Variants in TFR2 observed in about 807,000 individuals in gnomAD.
TFR2 encodes the protein transferrin receptor 2.
A neutral mutation model predicts 91.9 loss-of-function variants in TFR2; 64 were observed. The ratio of observed to expected loss-of-function variants is 0.70; its 90% CI spans 0.57 to 0.86. The LOEUF is 0.86. TFR2 is among the 40% of genes least tolerant of loss of function. The probability of loss-of-function intolerance (pLI) is 0.00; values close to 1 mark genes in which losing one functional copy is unlikely to be tolerated. For missense variants in TFR2, 950 were observed against 1,080.5 expected (o/e 0.88, Z 1.69); for synonymous variants, 454 against 459.6 (o/e 0.99, Z 0.15).
chr7:100,626,999 C>A, intron 16 of TFR2, 96 bp from the exon 17 acceptor site: 1 of 1,399,940 alleles, frequency 7.1e-7, no homozygotes, highest in South Asian at 1.4e-5. Context: ...GGGAAGGGGG[C>A]TGGGACCCCT....
chr7:100,620,802 C>A lies in TFR2; in HGVS notation c.*55G>T, dbSNP rs986107376. On this transcript the variant is annotated 3_prime_UTR_variant, in exon 18 of 18. Transcript: ENST00000223051. ...CCTCCCTGACCCTGAATCATTCAAG[C>A]GAGGAGCAGAGGAGCTCTTGACTGG... 1 of 1,609,436 alleles carries A rather than the reference C, an allele frequency of 6.2e-7. No homozygotes were observed. Among genetic ancestry groups the A allele is most frequent in the Admixed American group, 1.7e-5 (1 of 59,896 alleles).
In TFR2 at chr7:100,630,963, A is replaced by G. The variant is rs1803413928; in HGVS notation, c.1196T>C (p.Leu399Pro). 6 of 1,612,902 alleles carry G rather than the reference A, an allele frequency of 3.7e-6. No individual in the cohort carries two copies. The highest frequency in any genetic ancestry group is 4.2e-6 in the Non-Finnish European group (5 of 1,179,840). Residue 399 changes from leucine (L) to proline (P), a missense_variant, in exon 9 of 18, where the codon CTA (leucine) becomes CCA (proline). Coordinates refer to ENST00000223051, the MANE Select transcript of TFR2 (RefSeq NM_003227.4). Reference protein sequence around the residue: ...YHLGPGPRLRLVVNNHRTSTP... With the variant: ...YHLGPGPRLRPVVNNHRTSTP... Reference sequence around the variant, plus strand: ...GGAGGTCCTGTGATTGTTGACCACTAGCCGCAGTCGTGGCCCGGGGCCCAG... The same window carrying G: ...GGAGGTCCTGTGATTGTTGACCACTGGCCGCAGTCGTGGCCCGGGGCCCAG...
chr7:100,630,007 G>T (rs923224791), intron 9 of TFR2, among the ~76,000 whole-genome samples: 1 of 152,168 alleles, frequency 6.6e-6, no homozygotes, highest in African/African-American at 2.4e-5. Flanking sequence ...GCCTTCCAAA[G>T]TGCTGGGATT....
At chr7:100,637,181 C>G (rs868094806) in intron 3 of TFR2, among the ~76,000 whole-genome samples, 1 of 152,096 alleles carries the variant, frequency 6.6e-6, no homozygotes, top group Non-Finnish European at 1.5e-5. Flanking sequence ...GGGTGGATCT[C>G]CTGAGGTCAG....
chr7:100,632,184 C>T lies in TFR2; in HGVS notation c.864G>A (p.Gln288=). 6.2e-7 allele frequency: 1 copy of T among 1,614,082 alleles called. No individual in the cohort carries two copies. The highest frequency in any genetic ancestry group is 8.5e-7 in the Non-Finnish European group (1 of 1,180,004). ...ISFAQKVTNA[Q]DFGAQGVLIY... is the part of the protein sequence containing the mutation. ...TGAGCACTCCTTGAGCCCCGAAGTC[C>T]TGAGCATTGGTCACCTGGGGAGGAA... Residue 288 remains glutamine, a synonymous_variant, in exon 7 of 18, where the codon CAG becomes CAA. Coordinates refer to ENST00000223051, the MANE Select transcript of TFR2 (RefSeq NM_003227.4).
chr7:100,639,733 T>TC (rs1803652588), intron 3 of TFR2: 2 of 152,056 alleles, frequency 1.3e-5, no homozygotes, highest in African/African-American at 4.8e-5. Flanking sequence ...GGACCTAGCT[T>TC]TTGGATCTGC....
chr7:100,623,097 A>T (rs1281244287), intron 17 of TFR2, among the ~76,000 whole-genome samples: 1 of 152,062 alleles, frequency 6.6e-6, no homozygotes, highest in East Asian at 1.9e-4. Context: ...ACATGGCGAA[A>T]CCCCGTCTCT....
At position 100,640,673 on chromosome 7, in the gene TFR2, G is replaced by A. The variant is rs1199734114; in HGVS notation, c.473+13C>T. 6.2e-7 allele frequency: 1 copy of A among 1,610,896 alleles called. No homozygotes were observed. The highest frequency in any genetic ancestry group is 1.7e-5 in the Admixed American group (1 of 59,960). On this transcript the variant is annotated intron_variant, in intron 3 of 17. Coordinates refer to ENST00000223051, the MANE Select transcript of TFR2 (RefSeq NM_003227.4). Reference sequence around the variant, plus strand: ...GGACACTCGAGAACAGGATGGGGCAGGGCCATCCCTACCTGATGGTGTCCT... The same window carrying A: ...GGACACTCGAGAACAGGATGGGGCAAGGCCATCCCTACCTGATGGTGTCCT...
At chr7:100,628,639 C>T (rs1200218581) in intron 10 of TFR2, among the ~76,000 whole-genome samples, 2 of 152,124 alleles carry the variant, frequency 1.3e-5, no homozygotes, top group Admixed American at 1.3e-4. Flanking sequence ...TGGTCTCCAG[C>T]GATTCTCCTG....
intron 8 of TFR2, among the ~76,000 whole-genome samples, 175 bp from the exon 9 acceptor site, chr7:100,631,227 T>G (rs1584458907): frequency 6.7e-6 from 1 of 150,150 alleles, no homozygotes; most frequent in East Asian, 2.0e-4. Flanking sequence ...TCAGCTGAGG[T>G]AGGTGTGCAA....
At chr7:100,633,865 C>T (rs1584461250) in intron 3 of TFR2, among the ~76,000 whole-genome samples, 3 of 151,736 alleles carry the variant, frequency 2.0e-5, no homozygotes, top group Admixed American at 2.0e-4. Context: ...CGTGCCATCA[C>T]GCCCGGCTAA....
chr7:100,624,982 A>G (rs1410112588), intron 17 of TFR2, among the ~76,000 whole-genome samples: 1 of 151,304 alleles, frequency 6.6e-6, no homozygotes, highest in Non-Finnish European at 1.5e-5. Flanking sequence ...CCAATCCTGT[A>G]TTGCAGGCTC....
chr7:100,627,943 G>A lies in TFR2; in HGVS notation c.1569C>T (p.Pro523=), dbSNP rs760178993. 1 of 1,614,046 alleles carries A rather than the reference G, an allele frequency of 6.2e-7. No homozygotes were observed. The highest frequency in any genetic ancestry group is 8.5e-7 in the Non-Finnish European group (1 of 1,179,964). Residue 523 remains proline, a synonymous_variant, in exon 13 of 18, where the codon CCC becomes CCT. Coordinates refer to ENST00000223051, the MANE Select transcript of TFR2 (RefSeq NM_003227.4). Reference sequence around the variant, plus strand: ...CACTCTCAATGAGACTTGTCAGAAGGGGGCTGGTCTTGGCATGAAACTTGT... The same window carrying A: ...CACTCTCAATGAGACTTGTCAGAAGAGGGCTGGTCTTGGCATGAAACTTGT... The part of the protein sequence containing the change: ...GDDKFHAKTS[P]LLTSLIESVL...
chr7:100,633,526 G>T lies in TFR2; in HGVS notation c.504C>A (p.Gly168=), dbSNP rs1458709458. Reference sequence around the variant, plus strand: ...GAGTCAGAGCGGCCATCCCGGCCGAGCCTGCCACCCGTTCCCGAAGGCTGG... The same window carrying T: ...GAGTCAGAGCGGCCATCCCGGCCGATCCTGCCACCCGTTCCCGAAGGCTGG... ...RQTSLRERVA[G]SAGMAALTQD... The change falls in exon 4 of 18, where the codon GGC becomes GGA. Residue 168 remains glycine, a synonymous_variant. Coordinates refer to ENST00000223051, the MANE Select transcript of TFR2 (RefSeq NM_003227.4). The T allele has an allele frequency of 1.2e-6, 2 of 1,607,952 alleles. No homozygotes were observed. Among genetic ancestry groups the T allele is most frequent in the South Asian group, 1.1e-5 (1 of 91,040 alleles).
At chr7:100,627,117 G>T in intron 16 of TFR2, 147 bp downstream of exon 16, 1 of 1,217,278 alleles carries the variant, frequency 8.2e-7, no homozygotes, top group East Asian at 2.6e-5. Flanking sequence ...CATGCTGGGG[G>T]CTGGGAGACT....
intron 8 of TFR2, 114 bp downstream of exon 8, chr7:100,631,692 T>C: frequency 6.9e-7 from 1 of 1,455,866 alleles, no homozygotes; most frequent in Non-Finnish European, 9.3e-7. Context: ...CATGGCTCAC[T>C]GCAGGCTTAA....
rs1012080363 is a variant in TFR2, at chr7:100,627,580, C to T, written c.1764G>A (p.Met588Ile). Reference sequence around the variant, plus strand: ...GGGCAGGGGGAGGACGTCTCACCTCCATAAAGGAGAACTCGACGGCAGGGA... The same window carrying T: ...GGGCAGGGGGAGGACGTCTCACCTCTATAAAGGAGAACTCGACGGCAGGGA... ...VGVPAVEFSF[M>I]EDDQAYPFLH... The change falls in exon 15 of 18, where the codon ATG becomes ATA. Residue 588 changes from methionine (M) to isoleucine (I), a missense_variant. By Grantham distance (10) the Met-to-Ile change is conservative. Coordinates refer to ENST00000223051, the MANE Select transcript of TFR2 (RefSeq NM_003227.4). 41 of 1,614,146 alleles carry T rather than the reference C, an allele frequency of 2.5e-5. No homozygotes were observed. Among genetic ancestry groups the T allele is most frequent in the Non-Finnish European group, 3.4e-5 (40 of 1,180,004 alleles).
Position 100,631,816 on chromosome 7 carries a change from G to A in TFR2, c.1096C>T (p.Arg366Cys), listed in dbSNP as rs764311239. ...CAACACTCCCCTCACCTCAGCAGGC[G>A]GGAGGCAATGTCTGCACTGATGGGC... The part of the protein sequence containing the change: ...AQPISADIAS[R>C]LLRKLKGPVA... Residue 366 changes from arginine (R) to cysteine (C), a missense_variant, in exon 8 of 18, where the codon CGC becomes TGC. Coordinates refer to ENST00000223051, the MANE Select transcript of TFR2 (RefSeq NM_003227.4). 5.3e-5 allele frequency: 86 copies of A among 1,612,492 alleles called. No individual in the cohort carries two copies. Among genetic ancestry groups the A allele is most frequent in the Non-Finnish European group, 6.7e-5 (79 of 1,179,192 alleles).
chr7:100,626,494 G>A, intron 17 of TFR2: 1 of 1,332,108 alleles, frequency 7.5e-7, no homozygotes, highest in African/African-American at 1.5e-5. Context: ...GGGGAGGGTG[G>A]ATTGTCCCAG....
Sources: gnomAD v4.1 joint callset for allele counts (sites outside exome capture counted in the v4.1 genomes callset) on GRCh38, gnomAD v4.1.1 for gene constraint, MANE v1.5 for transcripts, NCBI Gene and HGNC (gene_info 2026-07-23, HGNC 2026-07-21) for gene names.